Variants in RUNDC3B observed in about 807,000 individuals in gnomAD.
The protein encoded by RUNDC3B is RUN domain-containing protein 3B.
In RUNDC3B, 33 loss-of-function variants were observed where a neutral mutation model predicts 58.4. The ratio of observed to expected loss-of-function variants is 0.56; its 90% CI spans 0.43 to 0.75. The LOEUF (loss-of-function observed/expected upper bound fraction) is 0.75. Ranked by LOEUF, RUNDC3B falls within the 30% of genes least tolerant of loss-of-function variation. The pLI is 0.00. For missense variants in RUNDC3B, 501 were observed against 535.7 expected (o/e 0.94, Z 0.64); for synonymous variants, 193 against 195.2 (o/e 0.99, Z 0.10).
intron 7 of RUNDC3B, among the ~76,000 whole-genome samples, chr7:87,775,011 C>T (rs748588637): frequency 5.9e-5 from 9 of 152,190 alleles, no homozygotes; most frequent in Admixed American, 2.0e-4. Context: ...TACTGGTTTA[C>T]GTATTTACTA....
intron 1 of RUNDC3B, among the ~76,000 whole-genome samples, chr7:87,646,073 G>A (rs140302965): frequency 0.011 from 1,681 of 152,158 alleles, 10 homozygotes; most frequent in Non-Finnish European, 0.018. Context: ...TTTGGACTTC[G>A]CTTTTGTTTT....
intron 9 of RUNDC3B, among the ~76,000 whole-genome samples, chr7:87,815,570 C>G (rs532143216): frequency 1.3e-3 from 198 of 152,036 alleles, no homozygotes; most frequent in African/African-American, 4.6e-3. Context: ...CTCAAAATAG[C>G]AACTAGATGA....
At chr7:87,741,430 T>G in intron 5 of RUNDC3B, 69 bp from the exon 6 acceptor site, 1 of 902,936 alleles carries the variant, frequency 1.1e-6, no homozygotes, top group Non-Finnish European at 1.6e-6. Flanking sequence ...CAAGAGATTT[T>G]TCATGAAACT....
At chr7:87,636,138 G>A (rs959642125) in intron 1 of RUNDC3B, among the ~76,000 whole-genome samples, 6 of 152,138 alleles carry the variant, frequency 3.9e-5, no homozygotes, top group Admixed American at 1.3e-4. Flanking sequence ...GCAGATATTC[G>A]GCTTCAGTAG....
In RUNDC3B at chr7:87,628,900, C is replaced by T. The variant is rs752955187; in HGVS notation, c.77C>T (p.Ala26Val). The T allele has an allele frequency of 3.1e-6, 4 of 1,306,112 alleles. No individual in the cohort carries two copies. The highest frequency in any genetic ancestry group is 2.9e-6 in the Non-Finnish European group (3 of 1,019,596). 80.9% of individuals were successfully genotyped at this position (1,306,112 alleles called of 1,614,324 possible). A position where few individuals can be genotyped will look rare whatever the true frequency, so the allele number is the denominator to read the frequency against. Residue 26 changes from alanine (A) to valine (V), a missense_variant, in exon 1 of 11, where the codon GCC becomes GTC. Coordinates refer to ENST00000394654, the MANE Select transcript of RUNDC3B (RefSeq NM_001134405.2). ...GGGGGKKSLS[A>V]RNAAVERRNL... ...GGAGGCGGCAAGAAAAGCCTGAGCG[C>T]CCGCAATGCTGCGGTGGAGAGGAGG... is the stretch of plus-strand genomic sequence containing the variant.
At position 87,831,077 on chromosome 7, in the gene RUNDC3B, TTTTTTTTTTTTTAAAGTTGTAATCTGTAC is replaced by T. The variant is rs1838102357; in HGVS notation, c.*1060_*1088del. On this transcript the variant is annotated 3_prime_UTR_variant, in exon 11 of 11. Coordinates refer to ENST00000394654, the MANE Select transcript of RUNDC3B (RefSeq NM_001134405.2). ...CACACTTATACACAGGTAAAATTAG[TTTTTTTTTTTTTAAAGTTGTAATCTGTAC>T]TTTTTTTTTTTTGCAATTTTTGAAA... The T allele has an allele frequency of 8.3e-6, 1 of 121,120 alleles. No homozygotes were observed. Among genetic ancestry groups the T allele is most frequent in the African/African-American group, 3.3e-5 (1 of 30,614 alleles). The allele number at this position is 121,120 out of a possible 1,614,324, so 7.5% of individuals were successfully genotyped here.
At chr7:87,629,538 T>C (rs1360949995) in intron 1 of RUNDC3B, among the ~76,000 whole-genome samples, 1 of 152,200 alleles carries the variant, frequency 6.6e-6, no homozygotes, top group Admixed American at 6.5e-5. Flanking sequence ...ACCTAGTCTT[T>C]ATGTCAATGA....
intron 6 of RUNDC3B, among the ~76,000 whole-genome samples, chr7:87,756,595 A>G (rs1009536696): frequency 1.3e-5 from 2 of 152,118 alleles, no homozygotes; most frequent in Non-Finnish European, 2.9e-5. Context: ...CCCTTAAAAT[A>G]TGAAAAATTT....
intron 4 of RUNDC3B, among the ~76,000 whole-genome samples, chr7:87,736,793 A>G (rs1296965805): frequency 1.4e-5 from 2 of 142,210 alleles, no homozygotes; most frequent in South Asian, 2.1e-4. Flanking sequence ...ACATATACAT[A>G]TATGTATTAT....
chr7:87,805,097 T>C (rs1836367759), intron 8 of RUNDC3B, among the ~76,000 whole-genome samples: 1 of 152,148 alleles, frequency 6.6e-6, no homozygotes, highest in Admixed American at 6.6e-5. Context: ...AGAAGGAGAC[T>C]GAGCTACCCC....
chr7:87,649,464 A>G (rs1183285767), intron 1 of RUNDC3B, among the ~76,000 whole-genome samples: 1 of 152,178 alleles, frequency 6.6e-6, no homozygotes, highest in Non-Finnish European at 1.5e-5. Flanking sequence ...GATAAATTGT[A>G]ATTTTCTCTT....
At chr7:87,663,685 C>G (rs893661883) in intron 2 of RUNDC3B, among the ~76,000 whole-genome samples, 8 of 152,096 alleles carry the variant, frequency 5.3e-5, no homozygotes, top group Non-Finnish European at 1.0e-4. Context: ...CAATAATAAC[C>G]TAATTCTCTG....
At chr7:87,743,347 G>C (rs948470205) in intron 6 of RUNDC3B, among the ~76,000 whole-genome samples, 1 of 152,128 alleles carries the variant, frequency 6.6e-6, no homozygotes, top group African/African-American at 2.4e-5. Flanking sequence ...TGGGATTGAT[G>C]GATCAAATGG....
chr7:87,806,274 A>G (rs888590465), intron 8 of RUNDC3B, among the ~76,000 whole-genome samples: 1 of 152,198 alleles, frequency 6.6e-6, no homozygotes, highest in African/African-American at 2.4e-5. Context: ...TAGTTACTCC[A>G]TTAGTATCAT....
chr7:87,820,326 T>A (rs1220197312), intron 10 of RUNDC3B, among the ~76,000 whole-genome samples: 2 of 152,068 alleles, frequency 1.3e-5, no homozygotes, highest in African/African-American at 2.4e-5. Flanking sequence ...CACCATCCCA[T>A]GACTAAACCA....
chr7:87,733,497 C>T (rs1042106787), intron 4 of RUNDC3B, among the ~76,000 whole-genome samples: 26 of 151,950 alleles, frequency 1.7e-4, no homozygotes, highest in African/African-American at 5.3e-4. Context: ...CAGAGGACAC[C>T]ATAAAGAAGG....
intron 4 of RUNDC3B, among the ~76,000 whole-genome samples, chr7:87,722,803 G>T (rs2130778156): frequency 6.6e-6 from 1 of 152,254 alleles, no homozygotes; most frequent in African/African-American, 2.4e-5. Flanking sequence ...TTTGCTTATT[G>T]AACTAGTTGG....
chr7:87,720,163 T>A (rs1830790049), intron 4 of RUNDC3B, among the ~76,000 whole-genome samples: 1 of 152,026 alleles, frequency 6.6e-6, no homozygotes, highest in African/African-American at 2.4e-5. Context: ...GATAGAAACA[T>A]AAGGGCAGAG....
In RUNDC3B at chr7:87,683,644, G is replaced by A. The variant is rs564835650; in HGVS notation, c.239-16777G>A. On this transcript the variant is annotated intron_variant, in intron 2 of 10. Coordinates refer to ENST00000394654, the MANE Select transcript of RUNDC3B (RefSeq NM_001134405.2). ...ATTTTATACAGGTGTGGTTCATGGC[G>A]CCCCAAAATTATTACAATAGTAACA... 5.3e-5 allele frequency among the ~76,000 whole-genome samples: 8 copies of A among 152,108 alleles called. 1 individual carries two copies. The highest frequency in any genetic ancestry group is 6.5e-5 in the Admixed American group (1 of 15,278).
Sources: gnomAD v4.1 joint callset for allele counts (sites outside exome capture counted in the v4.1 genomes callset) on GRCh38, gnomAD v4.1.1 for gene constraint, MANE v1.5 for transcripts, NCBI Gene and HGNC (gene_info 2026-07-23, HGNC 2026-07-21) for gene names.